The following DGKI variants were observed in gnomAD, a reference collection of about 807,000 sequenced individuals.
DGKI encodes diacylglycerol kinase iota.
A neutral mutation model predicts 147.5 loss-of-function variants in DGKI; 55 were observed. The observed-to-expected ratio is 0.37, with a 90% CI of 0.30 to 0.47. The LOEUF is 0.47. DGKI is among the 20% of genes least tolerant of loss of function. The pLI is 1.00. For synonymous variants in DGKI, 469 were observed against 477.1 expected, an observed-to-expected ratio of 0.98 and a Z score of 0.22; for missense variants, 1,007 against 1,323.8, an observed-to-expected ratio of 0.76 and a Z score of 3.71.
intron 21 of DGKI, among the ~76,000 whole-genome samples, chr7:137,490,665 A>C (rs926543437): frequency 1.3e-5 from 2 of 149,220 alleles, no homozygotes; most frequent in Non-Finnish European, 3.0e-5. Flanking sequence ...AAAAATTACC[A>C]CCTTCCTTCT....
intron 6 of DGKI, among the ~76,000 whole-genome samples, chr7:137,625,309 A>C (rs1820893339): frequency 6.6e-6 from 1 of 151,708 alleles, no homozygotes; most frequent in African/African-American, 2.4e-5. Flanking sequence ...AAAATAGAGA[A>C]GTCAGCTGGG....
chr7:137,793,388 C>A (rs561471324), intron 1 of DGKI, among the ~76,000 whole-genome samples: 4 of 152,092 alleles, frequency 2.6e-5, no homozygotes, highest in Non-Finnish European at 4.4e-5. Context: ...GCAACCTCCA[C>A]CTCCCGGGTT....
intron 1 of DGKI, among the ~76,000 whole-genome samples, chr7:137,788,129 A>G (rs1376519882): frequency 6.6e-6 from 1 of 152,218 alleles, no homozygotes; most frequent in Non-Finnish European, 1.5e-5. Flanking sequence ...AAAGTGAGAC[A>G]GCATATTAGG....
chr7:137,472,435 C>T (rs78618979), intron 23 of DGKI, among the ~76,000 whole-genome samples: 800 of 23,952 alleles, frequency 0.033, 29 homozygotes, highest in African/African-American at 0.069. Context: ...ATTATATGTA[C>T]ATATACATAT....
intron 30 of DGKI, among the ~76,000 whole-genome samples, chr7:137,406,779 T>C (rs545491641): frequency 6.6e-6 from 1 of 152,168 alleles, no homozygotes. Flanking sequence ...TGATCTTATT[T>C]TTTTCTTTAG....
Position 137,509,005 on chromosome 7 carries a change from A to G in DGKI, c.2248+12861T>C, listed in dbSNP as rs115650205. On this transcript the variant is annotated intron_variant, in intron 21 of 32. Coordinates refer to ENST00000614521, the MANE Select transcript of DGKI (RefSeq NM_001321708.2). ...AATAAGGAACTCAAGGAGGAGAGGCAGGGGAGTAGAGAAAAGAAACAAATT... is the reference window on the plus strand; with the variant it reads ...AATAAGGAACTCAAGGAGGAGAGGCGGGGGAGTAGAGAAAAGAAACAAATT... 3.8e-3 allele frequency among the ~76,000 whole-genome samples: 586 copies of G among 152,218 alleles called. 5 individuals carry two copies. Among genetic ancestry groups the G allele is most frequent in the African/African-American group, 0.013 (551 of 41,556 alleles).
At chr7:137,675,588 G>A (rs1268119098) in intron 3 of DGKI, among the ~76,000 whole-genome samples, 2 of 151,626 alleles carry the variant, frequency 1.3e-5, no homozygotes, top group African/African-American at 4.9e-5. Context: ...AGGAGGCTGA[G>A]GCAGGAGAAT....
Position 137,678,623 on chromosome 7 carries a change from C to G in DGKI, c.540G>C (p.Trp180Cys). ...SENAVNGEHL[W>C]LETNVSGDLC... Reference sequence around the variant, plus strand: ...GGTCTCCCGAGACGTTGGTCTCCAGCCACAGGTGTTCTCCATTCACGGCAT... The same window carrying G: ...GGTCTCCCGAGACGTTGGTCTCCAGGCACAGGTGTTCTCCATTCACGGCAT... The change falls in exon 3 of 33, where the codon TGG becomes TGC. Residue 180 changes from tryptophan to cysteine, a missense_variant. This residue lies in a region of DGKI where 259 missense variants were observed against 362.5 expected (regional missense o/e 0.71). Coordinates refer to ENST00000614521, the MANE Select transcript of DGKI (RefSeq NM_001321708.2). 6.2e-7 allele frequency: 1 copy of G among 1,614,070 alleles called. No individual in the cohort carries two copies. Among genetic ancestry groups the G allele is most frequent in the Non-Finnish European group, 8.5e-7 (1 of 1,180,012 alleles).
intron 28 of DGKI, among the ~76,000 whole-genome samples, chr7:137,441,985 G>A (rs1813527972): frequency 6.6e-6 from 1 of 152,244 alleles, no homozygotes; most frequent in Non-Finnish European, 1.5e-5. Flanking sequence ...TATATTTTGA[G>A]TGGTGGATAG....
chr7:137,402,068 G>A (rs1446762596), intron 30 of DGKI, among the ~76,000 whole-genome samples: 2 of 152,182 alleles, frequency 1.3e-5, no homozygotes, highest in African/African-American at 2.4e-5. Context: ...CCTGTCAAAC[G>A]GAGATGAGAG....
At chr7:137,409,839 G>A (rs1231965142) in intron 29 of DGKI, among the ~76,000 whole-genome samples, 1 of 152,046 alleles carries the variant, frequency 6.6e-6, no homozygotes, top group African/African-American at 2.4e-5. Context: ...ACACAGGGGT[G>A]GCTCCAGAGA....
At chr7:137,466,875 TC>T (rs1161471360) in intron 25 of DGKI, 26 bp downstream of exon 25, 2 of 1,613,464 alleles carry the variant, frequency 1.2e-6, no homozygotes, top group Non-Finnish European at 1.7e-6. Flanking sequence ...TTTTTCACTT[TC>T]ACAAGCAGGC....
chr7:137,416,463 G>C (rs941365684), intron 28 of DGKI, among the ~76,000 whole-genome samples: 3 of 152,188 alleles, frequency 2.0e-5, no homozygotes, highest in Admixed American at 6.5e-5. Flanking sequence ...AATCTGCAAA[G>C]AGCTTTGTGT....
intron 1 of DGKI, among the ~76,000 whole-genome samples, chr7:137,704,984 A>T: frequency 6.6e-6 from 1 of 152,192 alleles, no homozygotes; most frequent in East Asian, 1.9e-4. Context: ...CAAAAGAAAG[A>T]TAAATATGCC....
At chr7:137,583,776 G>A (rs1037416411) in intron 14 of DGKI, among the ~76,000 whole-genome samples, 2 of 151,996 alleles carry the variant, frequency 1.3e-5, no homozygotes, top group Admixed American at 6.6e-5. Flanking sequence ...TACTTTAGCT[G>A]TTTTCTATCC....
At chr7:137,407,069 G>A (rs1811980424) in intron 30 of DGKI, among the ~76,000 whole-genome samples, 2 of 151,968 alleles carry the variant, frequency 1.3e-5, no homozygotes, top group Non-Finnish European at 2.9e-5. Context: ...CAATCTCTCT[G>A]TATACCAAGA....
chr7:137,665,069 G>C (rs59473559), intron 3 of DGKI, among the ~76,000 whole-genome samples: 5,576 of 152,246 alleles, frequency 0.037, 313 homozygotes, highest in African/African-American at 0.12. Flanking sequence ...AGGAGTGGCT[G>C]GGGGCCAGTG....
intron 20 of DGKI, among the ~76,000 whole-genome samples, chr7:137,550,500 C>T (rs1019392603): frequency 6.6e-6 from 1 of 152,122 alleles, no homozygotes; most frequent in African/African-American, 2.4e-5. Context: ...TAAGTTGAGG[C>T]TGCTTCTTGA....
At chr7:137,756,679 C>T (rs550016003) in intron 1 of DGKI, among the ~76,000 whole-genome samples, 3 of 152,194 alleles carry the variant, frequency 2.0e-5, no homozygotes, top group African/African-American at 4.8e-5. Flanking sequence ...TCCATATCTA[C>T]GATCTAAAAG....
Sources: gnomAD v4.1 joint callset for allele counts (sites outside exome capture counted in the v4.1 genomes callset) on GRCh38, gnomAD v4.1.1 for gene constraint, gnomAD v4.1.1 regional missense constraint, MANE v1.5 for transcripts, NCBI Gene and HGNC (gene_info 2026-07-23, HGNC 2026-07-21) for gene names.